RPAP2: variants seen among roughly 807,000 people sequenced by gnomAD.
RPAP2 encodes putative RNA polymerase II subunit B1 CTD phosphatase RPAP2.
RPAP2 carries 52 observed loss-of-function variants against 73.1 expected under a neutral mutation model. The observed-to-expected ratio is 0.71, with a 90% CI of 0.57 to 0.90. The LOEUF is 0.90. Ranked by LOEUF, RPAP2 falls within the 40% of genes least tolerant of loss-of-function variation. The pLI is 0.00. For synonymous variants in RPAP2, 225 were observed against 242.1 expected (o/e 0.93, Z 0.65); for missense variants, 598 against 701.8 (o/e 0.85, Z 1.67).
chr1:92,344,664 T>C (rs1002612494), intron 10 of RPAP2, among the ~76,000 whole-genome samples: 2 of 152,196 alleles, frequency 1.3e-5, no homozygotes, highest in Non-Finnish European at 2.9e-5. Context: ...TTTTCAACTT[T>C]ATTAGATATT....
At chr1:92,305,871 T>C (rs1651197449) in intron 5 of RPAP2, among the ~76,000 whole-genome samples, 1 of 152,204 alleles carries the variant, frequency 6.6e-6, no homozygotes, top group Non-Finnish European at 1.5e-5. Flanking sequence ...TTTTGAGAAA[T>C]GGCTTGGCAT....
intron 7 of RPAP2, 146 bp from the exon 8 acceptor site, chr1:92,323,299 A>G (rs1652419122): frequency 1.8e-5 from 8 of 456,402 alleles, no homozygotes; most frequent in Non-Finnish European, 2.3e-5. Context: ...ATCAGAACCT[A>G]GAAATAAGGT....
rs1656242106 is a variant in RPAP2 at position 92,398,558 on chromosome 1, A to G, written c.*11547A>G. The stretch of plus-strand genomic sequence containing the variant: ...TTATAAGCCCTTCGTAGAAAAAGAA[A>G]AGTAAGCATTTCTAGAAGCACATTT... On this transcript the variant is annotated 3_prime_UTR_variant, in exon 13 of 13. Coordinates refer to ENST00000610020, the MANE Select transcript of RPAP2 (RefSeq NM_024813.3). 1 of 152,228 alleles carries G rather than the reference A, an allele frequency of 6.6e-6. No homozygotes were observed. The highest frequency in any genetic ancestry group is 6.5e-5 in the Admixed American group (1 of 15,278). The allele number at this position is 152,228 out of a possible 1,614,324, so 9.4% of individuals were successfully genotyped here.
chr1:92,385,612 TA>T (rs1389147732), intron 12 of RPAP2, among the ~76,000 whole-genome samples: 1 of 152,220 alleles, frequency 6.6e-6, no homozygotes, highest in Non-Finnish European at 1.5e-5. Context: ...TAATATCTAG[TA>T]ACCTTTTGAA....
At chr1:92,364,927 A>G (rs1654878211) in intron 11 of RPAP2, among the ~76,000 whole-genome samples, 1 of 152,190 alleles carries the variant, frequency 6.6e-6, no homozygotes, top group South Asian at 2.1e-4. Flanking sequence ...ATAATTTTGC[A>G]TGAAATTCAA....
Position 92,328,777 on chromosome 1 carries a change from T to A in RPAP2, c.1455+4402T>A, listed in dbSNP as rs559820343. On this transcript the variant is annotated intron_variant, in intron 8 of 12. Coordinates refer to ENST00000610020, the MANE Select transcript of RPAP2 (RefSeq NM_024813.3). ...GGTTCCTTCTCATTTGGGTAGACTG[T>A]GAGAAGGAAGATCTGGGACTCAAGG... 9.7e-4 allele frequency among the ~76,000 whole-genome samples: 148 copies of A among 152,328 alleles called. 1 individual carries two copies. Among genetic ancestry groups the A allele is most frequent in the Middle Eastern group, 3.4e-3 (1 of 294 alleles).
At chr1:92,313,631 A>C (rs1408034339) in intron 6 of RPAP2, among the ~76,000 whole-genome samples, 2 of 152,144 alleles carry the variant, frequency 1.3e-5, no homozygotes, top group Non-Finnish European at 2.9e-5. Context: ...GCTTCAACTT[A>C]AAGTTACCAG....
Position 92,361,850 on chromosome 1 carries a change from T to TCTCTC in RPAP2, c.1688+15936_1688+15937insCTCTC, listed in dbSNP as rs1553154857. On this transcript the variant is annotated intron_variant, in intron 11 of 12. Transcript: ENST00000610020. ...TTTTATCTTCCATGGACGTAACTGT[T>TCTCTC]TTCTGTGGACTGACAAAATAGAAGA... is the stretch of plus-strand genomic sequence containing the variant. Among the ~76,000 whole-genome samples, 13 of 151,762 alleles carry TCTCTC rather than the reference T, an allele frequency of 8.6e-5. No individual in the cohort carries two copies. The South Asian group carries it at 2.7e-3, about 31-fold the overall frequency.
At chr1:92,300,286 G>A in intron 2 of RPAP2, 47 bp downstream of exon 2, 3 of 1,393,084 alleles carry the variant, frequency 2.2e-6, no homozygotes, top group Non-Finnish European at 2.0e-6. Context: ...TACTTATCTT[G>A]TATTACTTGT....
At chr1:92,337,471 T>C (rs948899591) in intron 10 of RPAP2, among the ~76,000 whole-genome samples, 1 of 152,150 alleles carries the variant, frequency 6.6e-6, no homozygotes, top group Admixed American at 6.5e-5. Context: ...ATTCATAGTT[T>C]AAGGCAAACC....
chr1:92,388,444 C>G lies in RPAP2; in HGVS notation c.*1433C>G, dbSNP rs1247175085. ...AACAGCTCCAGTCTACAGCTCCCAG[C>G]AGGATGGACACAGAAGATGGGTGAT... On this transcript the variant is annotated 3_prime_UTR_variant, in exon 13 of 13. Transcript: ENST00000610020. The G allele has an allele frequency of 1.3e-5, 2 of 152,306 alleles. No individual in the cohort carries two copies. The highest frequency in any genetic ancestry group is 1.3e-4 in the Admixed American group (2 of 15,276). 9.4% of individuals were successfully genotyped at this position (152,306 alleles called of 1,614,324 possible).
In RPAP2 at chr1:92,339,470, T is replaced by A. The variant is rs566574299; in HGVS notation, c.1619+3043T>A. Among the ~76,000 whole-genome samples, 24 of 152,116 alleles carry A rather than the reference T, an allele frequency of 1.6e-4. 1 individual carries two copies. The East Asian group carries it at 3.9e-3, about 24-fold the overall frequency. ...CTGCTGTAGGGCATGATGCAAAAAA[T>A]AATAATAATAATTTTGGGACAAATA... On this transcript the variant is annotated intron_variant, in intron 10 of 12. Transcript: ENST00000610020.
intron 11 of RPAP2, among the ~76,000 whole-genome samples, chr1:92,380,435 A>G (rs1219493962): frequency 6.6e-6 from 1 of 152,208 alleles, no homozygotes; most frequent in Non-Finnish European, 1.5e-5. Flanking sequence ...TCCCAAATGG[A>G]AAGAGTTCAT....
chr1:92,371,161 C>T lies in RPAP2; in HGVS notation c.1689-9563C>T, dbSNP rs575552518. Among the ~76,000 whole-genome samples the T allele has an allele frequency of 2.2e-4, 34 of 152,030 alleles. No homozygotes were observed. The East Asian group carries it at 2.9e-3, about 13-fold the overall frequency. Reference sequence around the variant, plus strand: ...CTCTACTAAAAATAGAAAAATCAGCCAGGCGTGGTGGCATGTGCCTGTAAT... The same window carrying T: ...CTCTACTAAAAATAGAAAAATCAGCTAGGCGTGGTGGCATGTGCCTGTAAT... On this transcript the variant is annotated intron_variant, in intron 11 of 12. Transcript: ENST00000610020.
chr1:92,309,034 T>C (rs1332459395), intron 6 of RPAP2, among the ~76,000 whole-genome samples: 1 of 152,198 alleles, frequency 6.6e-6, no homozygotes, highest in Non-Finnish European at 1.5e-5. Flanking sequence ...CACCATCCTC[T>C]ATTCAGAATG....
At chr1:92,308,116 G>A (rs762665297) in intron 6 of RPAP2, among the ~76,000 whole-genome samples, 14 of 151,758 alleles carry the variant, frequency 9.2e-5, no homozygotes, top group East Asian at 1.9e-4. Flanking sequence ...TTTCTGATGC[G>A]TAAGGCGATG....
rs1026888495 is a variant in RPAP2 at position 92,396,654 on chromosome 1, G to GTGTA, written c.*9646_*9647insATGT. Reference sequence around the variant, plus strand: ...CTTTTATGTGTGTGTGTGTGTGTGTGTGTGAGATGGAGTTTCACTCTTGTT... The same window carrying GTGTA: ...CTTTTATGTGTGTGTGTGTGTGTGTGTGTATGTGAGATGGAGTTTCACTCTTGTT... On this transcript the variant is annotated 3_prime_UTR_variant, in exon 13 of 13. Coordinates refer to ENST00000610020, the MANE Select transcript of RPAP2 (RefSeq NM_024813.3). 1.3e-5 allele frequency: 2 copies of GTGTA among 152,124 alleles called. No homozygotes were observed. Among genetic ancestry groups the GTGTA allele is most frequent in the African/African-American group, 4.9e-5 (2 of 40,906 alleles). The allele number at this position is 152,124 out of a possible 1,614,324, so 9.4% of individuals were successfully genotyped here.
In RPAP2 at chr1:92,324,018, A is replaced by G; in HGVS notation, c.1098A>G (p.Leu366=). ...GTCCTGAAGTTGGAAAGAGAAACTT[A>G]CTTAAAGTTTTGAAGGAGACTTTGA... The part of the protein sequence containing the change: ...QVCPEVGKRN[L]LKVLKETLIE... The change falls in exon 8 of 13, where the codon TTA becomes TTG. Residue 366 remains leucine, a synonymous_variant. Transcript: ENST00000610020. 5 of 1,613,960 alleles carry G rather than the reference A, an allele frequency of 3.1e-6. No individual in the cohort carries two copies. Among genetic ancestry groups the G allele is most frequent in the Non-Finnish European group, 4.2e-6 (5 of 1,179,912 alleles).
At chr1:92,344,291 G>C (rs1653761455) in intron 10 of RPAP2, among the ~76,000 whole-genome samples, 1 of 152,102 alleles carries the variant, frequency 6.6e-6, no homozygotes, top group South Asian at 2.1e-4. Flanking sequence ...TGTAATCCCA[G>C]CTGCTTGGGA....
Sources: allele counts gnomAD v4.1 joint callset (sites outside exome capture counted in the v4.1 genomes callset), GRCh38; gene constraint gnomAD v4.1.1; transcripts MANE v1.5; gene names NCBI Gene and HGNC (gene_info 2026-07-23, HGNC 2026-07-21).